Variants in FANCB observed in about 807,000 individuals in gnomAD.
The protein encoded by FANCB is Fanconi anemia group B protein.
In FANCB, 5 loss-of-function variants were observed where a neutral mutation model predicts 38.9. The ratio of observed to expected loss-of-function variants is 0.13; its 90% confidence interval spans 0.07 to 0.27. The LOEUF (loss-of-function observed/expected upper bound fraction) is 0.27. FANCB is among the 10% of genes least tolerant of loss of function. The pLI is 1.00. For synonymous variants in FANCB, 236 were observed against 215.4 expected, an observed-to-expected ratio of 1.10 and a Z score of -0.84; for missense variants, 573 against 602.7, an observed-to-expected ratio of 0.95 and a Z score of 0.52.
At chrX:14,861,903 G>A (rs774911232) in intron 3 of FANCB, among the ~76,000 whole-genome samples, 1 of 110,027 alleles carries the variant, frequency 9.1e-6, no homozygotes, top group East Asian at 2.9e-4. Flanking sequence ...GGAGTGCAGC[G>A]GGGCGATCTC....
the FANCB span, among the ~76,000 whole-genome samples, chrX:14,811,217 A>G: frequency 8.9e-6 from 1 of 111,806 alleles, no homozygotes; most frequent in Admixed American, 9.5e-5. Context: ...AAATCATGCC[A>G]AATTGTAAAG....
At chrX:14,849,942 C>T (rs1282250314) in intron 7 of FANCB, among the ~76,000 whole-genome samples, 1 of 112,268 alleles carries the variant, frequency 8.9e-6, no homozygotes, top group African/African-American at 3.2e-5. Context: ...GTAAAATACA[C>T]ACCAAATTTT....
the FANCB span, among the ~76,000 whole-genome samples, chrX:14,691,271 CTGTGTGTGTGTGTGTGTGTGTGTG>C: frequency 2.3e-4 from 20 of 85,274 alleles, no homozygotes; most frequent in South Asian, 4.1e-3. Flanking sequence ...TAAATATTGA[CTGTGTGTGTGTGTGTGTGTGTGTG>C]TGTGTGTGTG....
chrX:14,700,606 A>G, the FANCB span, among the ~76,000 whole-genome samples: 1 of 111,977 alleles, frequency 8.9e-6, no homozygotes, highest in Non-Finnish European at 1.9e-5. Flanking sequence ...GTCAGAGGAC[A>G]TTGGTAACCT....
chrX:14,820,770 T>C, the FANCB span, among the ~76,000 whole-genome samples: 2 of 111,537 alleles, frequency 1.8e-5, no homozygotes, highest in Admixed American at 1.9e-4. Context: ...TAAAAAAAAT[T>C]GTATTTTTGT....
chrX:14,793,912 CAGG>C, the FANCB span, among the ~76,000 whole-genome samples: 1 of 111,298 alleles, frequency 9.0e-6, no homozygotes. Flanking sequence ...TATGGAAGGG[CAGG>C]AGATGAGAGG....
At chrX:14,827,077 TTTCTA>T in the FANCB span, among the ~76,000 whole-genome samples, 5 of 111,886 alleles carry the variant, frequency 4.5e-5, no homozygotes, top group African/African-American at 1.6e-4. Context: ...ATTTCTGAAC[TTTCTA>T]TTCTATTGTA....
At chrX:14,808,980 C>T in the FANCB span, among the ~76,000 whole-genome samples, 2 of 111,570 alleles carry the variant, frequency 1.8e-5, no homozygotes, top group East Asian at 5.7e-4. Context: ...AATTAAATAC[C>T]TAGGAGTTAA....
chrX:14,747,869 C>A, the FANCB span, among the ~76,000 whole-genome samples: 1 of 112,027 alleles, frequency 8.9e-6, no homozygotes, highest in East Asian at 2.8e-4. Context: ...TTGTAATGCA[C>A]AATAATTTTC....
the FANCB span, among the ~76,000 whole-genome samples, chrX:14,761,052 A>G: frequency 1.8e-5 from 2 of 112,734 alleles, no homozygotes; most frequent in African/African-American, 6.4e-5. Flanking sequence ...TGTAAATTTT[A>G]CCTCAACAAA....
the FANCB span, among the ~76,000 whole-genome samples, chrX:14,750,409 A>G: frequency 8.9e-6 from 1 of 112,129 alleles, no homozygotes; most frequent in African/African-American, 3.2e-5. Flanking sequence ...CACCATCACC[A>G]TGGCTCAAAG....
the FANCB span, among the ~76,000 whole-genome samples, chrX:14,739,727 T>C: frequency 9.0e-6 from 1 of 111,423 alleles, no homozygotes; most frequent in Admixed American, 9.6e-5. Context: ...GGAGGGAAAA[T>C]GACGTTTGCT....
chrX:14,810,294 C>T, the FANCB span, among the ~76,000 whole-genome samples: 5 of 112,452 alleles, frequency 4.4e-5, no homozygotes, highest in African/African-American at 6.5e-5. Context: ...TCCTCACCAG[C>T]AACGGAACAA....
the FANCB span, among the ~76,000 whole-genome samples, chrX:14,828,817 T>C: frequency 2.7e-5 from 3 of 111,236 alleles, no homozygotes; most frequent in African/African-American, 9.8e-5. Context: ...GCTCAAGAGA[T>C]CCTCCCACCT....
At chrX:14,836,339 A>G (rs1181461466) in intron 10 of FANCB, 1 of 111,951 alleles carries the variant, frequency 8.9e-6, no homozygotes, top group Non-Finnish European at 1.9e-5. Context: ...GAGATCTGCT[A>G]TACAACAACA....
At chrX:14,740,962 A>ACACACACACACACGCG in the FANCB span, among the ~76,000 whole-genome samples, 1 of 110,068 alleles carries the variant, frequency 9.1e-6, no homozygotes. Flanking sequence ...AAACACATGC[A>ACACACACACACACGCG]CACACACACA....
chrX:14,735,742 G>A, the FANCB span, among the ~76,000 whole-genome samples: 12 of 112,542 alleles, frequency 1.1e-4, no homozygotes, highest in Admixed American at 6.5e-4. Flanking sequence ...GCAGTCTGTC[G>A]CTTAGCAGAG....
At chrX:14,729,535 T>A in the FANCB span, among the ~76,000 whole-genome samples, 6 of 111,850 alleles carry the variant, frequency 5.4e-5, no homozygotes, top group African/African-American at 1.9e-4. Context: ...AATGACACAT[T>A]TAAATATGGT....
At chrX:14,795,808 G>C in the FANCB span, among the ~76,000 whole-genome samples, 1 of 111,900 alleles carries the variant, frequency 8.9e-6, no homozygotes, top group Non-Finnish European at 1.9e-5. Flanking sequence ...GCAATTCTGA[G>C]TGCACAGAAG....
Sources: gnomAD v4.1 joint callset for allele counts (sites outside exome capture counted in the v4.1 genomes callset) on GRCh38, gnomAD v4.1.1 for gene constraint, MANE v1.5 for transcripts, NCBI Gene and HGNC (gene_info 2026-07-23, HGNC 2026-07-21) for gene names.